Variants in ESPL1 observed in about 807,000 individuals in gnomAD.
ESPL1 encodes the protein separin.
A neutral mutation model predicts 217.2 loss-of-function variants in ESPL1; 50 were observed. The ratio of observed to expected loss-of-function variants is 0.23; its 90% CI spans 0.18 to 0.29. The LOEUF is 0.29. ESPL1 is among the 10% of genes least tolerant of loss of function. ESPL1 has a pLI of 1.00. For synonymous variants in ESPL1, 994 were observed against 1,081.3 expected (o/e 0.92, Z 1.58); for missense variants, 1,834 against 2,603.0 (o/e 0.70, Z 6.43).
intron 2 of ESPL1, 39 bp from the exon 3 acceptor site, chr12:53,268,985 G>T: frequency 6.4e-7 from 1 of 1,560,984 alleles, no homozygotes. Flanking sequence ...CCTCTTTCCT[G>T]CCTTTGCTAG....
chr12:53,268,466 C>T lies in ESPL1; in HGVS notation c.-13+89C>T, dbSNP rs147392457. 6.3e-3 allele frequency: 2,446 copies of T among 386,416 alleles called. 26 individuals are homozygous for T. Among genetic ancestry groups the T allele is most frequent in the Middle Eastern group, 0.022 (28 of 1,266 alleles). The allele number at this position is 386,416 out of a possible 1,614,324, so 23.9% of individuals were successfully genotyped here. ...ACGCGAGGAGAGGCGTGGGTGGCTC[C>T]TGGAGGGAGTGTCGGGAGGCCTTGG... On this transcript the variant is annotated intron_variant, in intron 1 of 30. Transcript: ENST00000257934.
chr12:53,272,911 G>A (rs1227012127), intron 6 of ESPL1, 54 bp downstream of exon 6: 2 of 1,598,190 alleles, frequency 1.3e-6, no homozygotes, highest in African/African-American at 1.3e-5. Context: ...GGGAGCGGGG[G>A]GAGCGGGGAA....
Position 53,290,401 on chromosome 12 carries a change from G to C in ESPL1, c.5296G>C (p.Glu1766Gln). ...TGATGCCATCCAGAAGGCACAGAAA[G>C]AGAACAGCAGCTGTACTGACAAGCG... ...EFDAIQKAQK[E>Q]NSSCTDKREW... The change falls in exon 24 of 31, where the codon GAG becomes CAG. Residue 1766 changes from glutamate (E) to glutamine (Q), a missense_variant. Around this residue, in one of 5 missense-constraint regions of ESPL1, gnomAD observed 295 missense variants for 519.8 expected, o/e 0.57. Transcript: ENST00000257934. The C allele has an allele frequency of 8.7e-6, 14 of 1,613,486 alleles. No individual in the cohort carries two copies. The highest frequency in any genetic ancestry group is 1.2e-5 in the Non-Finnish European group (14 of 1,180,002).
chr12:53,272,911 G>T (rs1227012127), intron 6 of ESPL1, 54 bp downstream of exon 6: 7 of 1,598,190 alleles, frequency 4.4e-6, no homozygotes, highest in Non-Finnish European at 6.0e-6. Flanking sequence ...GGGAGCGGGG[G>T]GAGCGGGGAA....
intron 5 of ESPL1, 52 bp from the exon 6 acceptor site, chr12:53,272,669 G>C: frequency 6.3e-7 from 1 of 1,593,200 alleles, no homozygotes; most frequent in Non-Finnish European, 8.5e-7. Flanking sequence ...TCCAGGAGGA[G>C]AGGGTGGTGG....
Position 53,289,600 on chromosome 12 carries a change from CG to C in ESPL1, c.5113+9del. The C allele has an allele frequency of 6.2e-7, 1 of 1,610,276 alleles. No individual in the cohort carries two copies. Among genetic ancestry groups the C allele is most frequent in the South Asian group, 1.1e-5 (1 of 90,870 alleles). On this transcript the variant is annotated splice_region_variant and intron_variant, in intron 22 of 30. Transcript: ENST00000257934. ...CCTGGCTCTGATCCCCAGTGGTATG[CG>C]GGCAGCCTTCTGGCCGGCTCCTCTG...
chr12:53,274,229 G>C (rs1178962934), intron 6 of ESPL1: 1 of 153,166 alleles, frequency 6.5e-6, no homozygotes, highest in Non-Finnish European at 1.5e-5. Context: ...GAGTCATAGA[G>C]GGGCTTGGGT....
chr12:53,270,715 G>T lies in ESPL1; in HGVS notation c.1286G>T (p.Ser429Ile), dbSNP rs1335294898. Residue 429 changes from serine to isoleucine, a missense_variant, in exon 5 of 31, where the codon AGT becomes ATT. Physicochemically the swap from Ser to Ile is moderately radical, Grantham distance 142 (BLOSUM62 -2). Around this residue, in one of 5 missense-constraint regions of ESPL1, gnomAD observed 746 missense variants for 1,077.0 expected, o/e 0.69. Transcript: ENST00000257934. The stretch of plus-strand genomic sequence containing the variant: ...GCTGACCTGACCCAACTAGTGGACA[G>T]TTGTAAATCTACCGTTGTCTGGATG... Reference protein sequence around the residue: ...DLADLTQLVDSCKSTVVWMLE... With the variant: ...DLADLTQLVDICKSTVVWMLE... 6.2e-7 allele frequency: 1 copy of T among 1,614,048 alleles called. No individual in the cohort carries two copies. The highest frequency in any genetic ancestry group is 1.3e-5 in the African/African-American group (1 of 74,918).
Position 53,282,180 on chromosome 12 carries a change from T to C in ESPL1, c.2620-84T>C. 1 of 1,148,294 alleles carries C rather than the reference T, an allele frequency of 8.7e-7. No individual in the cohort carries two copies. The highest frequency in any genetic ancestry group is 1.5e-5 in the African/African-American group (1 of 65,150). 71.1% of individuals were successfully genotyped at this position (1,148,294 alleles called of 1,614,324 possible). Reference sequence around the variant, plus strand: ...TTCTAATACCCAGGGCCTTCAGGGATGGGGCCACGTAATCTCCAGGGCCTC... The same window carrying C: ...TTCTAATACCCAGGGCCTTCAGGGACGGGGCCACGTAATCTCCAGGGCCTC... On this transcript the variant is annotated intron_variant, in intron 13 of 30. Transcript: ENST00000257934. The surrounding 1 kb of genome is among the most constrained non-coding windows in gnomAD (Gnocchi z 4.0).
At position 53,270,707 on chromosome 12, in the gene ESPL1, A is replaced by G. The variant is rs748930510; in HGVS notation, c.1278A>G (p.Leu426=). The part of the protein sequence containing the change: ...QIVDLADLTQ[L]VDSCKSTVVW... Reference sequence around the variant, plus strand: ...TTGATTTGGCTGACCTGACCCAACTAGTGGACAGTTGTAAATCTACCGTTG... The same window carrying G: ...TTGATTTGGCTGACCTGACCCAACTGGTGGACAGTTGTAAATCTACCGTTG... Residue 426 remains leucine (L), a synonymous_variant, in exon 5 of 31, where the codon CTA becomes CTG. Coordinates refer to ENST00000257934, the MANE Select transcript of ESPL1 (RefSeq NM_012291.5). 2.5e-5 allele frequency: 41 copies of G among 1,613,944 alleles called. No homozygotes were observed. Among genetic ancestry groups the G allele is most frequent in the Non-Finnish European group, 3.5e-5 (41 of 1,179,998 alleles).
chr12:53,270,132 C>A, intron 3 of ESPL1, 47 bp downstream of exon 3: 1 of 1,478,526 alleles, frequency 6.8e-7, no homozygotes, highest in Non-Finnish European at 9.2e-7. Context: ...TCTGTGGACT[C>A]ACTACCAGCC....
chr12:53,287,713 CAG>C (rs905209245), intron 18 of ESPL1: 2 of 368,272 alleles, frequency 5.4e-6, no homozygotes, highest in African/African-American at 4.2e-5. Context: ...TTGTTTCAGA[CAG>C]AGACATTTTC....
At chr12:53,281,696 G>T in intron 13 of ESPL1, 70 bp downstream of exon 13, 2 of 1,481,718 alleles carry the variant, frequency 1.3e-6, no homozygotes, top group Non-Finnish European at 1.9e-6. Context: ...CTTGATATTT[G>T]CCTGGCTTTT....
intron 17 of ESPL1, among the ~76,000 whole-genome samples, chr12:53,285,484 G>A (rs567003270): frequency 4.6e-5 from 7 of 152,238 alleles, no homozygotes; most frequent in Non-Finnish European, 8.8e-5. Flanking sequence ...CAAGGCGGGC[G>A]GATCACAAGG....
rs767091905 is a variant in ESPL1, at chr12:53,286,785, C to T, written c.4049C>T (p.Pro1350Leu). 6.2e-7 allele frequency: 1 copy of T among 1,614,158 alleles called. No homozygotes were observed. The highest frequency in any genetic ancestry group is 1.1e-5 in the South Asian group (1 of 91,084). Reference protein sequence around the residue: ...GRGLPCTPKPPDRIRQAGPHV... With the variant: ...GRGLPCTPKPLDRIRQAGPHV... The stretch of plus-strand genomic sequence containing the variant: ...GGACTGCCCTGCACACCTAAACCCC[C>T]AGACCGGATCAGGCAAGCTGGCCCT... The change falls in exon 18 of 31, where the codon CCA becomes CTA. Residue 1350 changes from proline (P) to leucine (L), a missense_variant. This residue lies in a region of ESPL1 where 681 missense variants were observed against 808.0 expected (regional missense o/e 0.84). Coordinates refer to ENST00000257934, the MANE Select transcript of ESPL1 (RefSeq NM_012291.5). The surrounding 1 kb of genome is among the most constrained non-coding windows in gnomAD (Gnocchi z 5.3).
At chr12:53,287,947 C>A in intron 18 of ESPL1, 25 bp from the exon 19 acceptor site, 1 of 1,562,250 alleles carries the variant, frequency 6.4e-7, no homozygotes. Flanking sequence ...CCTCTTAGCC[C>A]TTCACCCTTT....
chr12:53,282,123 G>C lies in ESPL1; in HGVS notation c.2620-141G>C. On this transcript the variant is annotated intron_variant, in intron 13 of 30. Coordinates refer to ENST00000257934, the MANE Select transcript of ESPL1 (RefSeq NM_012291.5). This position sits in a 1 kb window ranked among gnomAD's most constrained non-coding sequence, Gnocchi z 4.0. ...GCCTAGGTCCAGGGAGATCTCGAAAGCCAGGCAAATATTCAGAAAATTCTA... is the reference window on the plus strand; with the variant it reads ...GCCTAGGTCCAGGGAGATCTCGAAACCCAGGCAAATATTCAGAAAATTCTA... The C allele has an allele frequency of 1.4e-6, 1 of 694,768 alleles. No individual in the cohort carries two copies. The highest frequency in any genetic ancestry group is 2.6e-5 in the East Asian group (1 of 39,136). The allele number at this position is 694,768 out of a possible 1,614,324, so 43.0% of individuals were successfully genotyped here. A position where few individuals can be genotyped will look rare whatever the true frequency, so the allele number is the denominator to read the frequency against.
At chr12:53,285,123 C>T (rs369468449) in intron 17 of ESPL1, among the ~76,000 whole-genome samples, 6 of 152,174 alleles carry the variant, frequency 3.9e-5, no homozygotes, top group East Asian at 3.8e-4. Context: ...TAGTGGCTAC[C>T]GTATTGAGTA....
chr12:53,288,642 G>A lies in ESPL1; in HGVS notation c.4651G>A (p.Glu1551Lys). 1 of 1,614,004 alleles carries A rather than the reference G, an allele frequency of 6.2e-7. No homozygotes were observed. Among genetic ancestry groups the A allele is most frequent in the Non-Finnish European group, 8.5e-7 (1 of 1,180,028 alleles). ...KKLPSPCPDKESDKDLGPRLR... is the reference protein window; with the variant it reads ...KKLPSPCPDKKSDKDLGPRLR... ...GCTGCCCAGCCCATGCCCAGACAAG[G>A]AGAGTGACAAGGACCTTGGTCCTCG... is the stretch of plus-strand genomic sequence containing the variant. The change falls in exon 20 of 31, where the codon GAG (glutamate) becomes AAG (lysine). Residue 1551 changes from glutamate (E) to lysine (K), a missense_variant. By Grantham distance (56) the Glu-to-Lys change is moderately conservative. Transcript: ENST00000257934.
Sources: gnomAD v4.1 joint callset for allele counts (sites outside exome capture counted in the v4.1 genomes callset) on GRCh38, gnomAD v4.1.1 for gene constraint, gnomAD v4.1.1 regional missense constraint, Gnocchi (gnomAD v3.1) non-coding constraint, MANE v1.5 for transcripts, NCBI Gene and HGNC (gene_info 2026-07-23, HGNC 2026-07-21) for gene names.